Variants in ACKR2 observed in about 807,000 individuals in gnomAD.
ACKR2 encodes the protein atypical chemokine receptor 2.
For synonymous variants in ACKR2, 207 were observed against 192.2 expected (o/e 1.08, Z -0.64); for missense variants, 457 against 477.3 (o/e 0.96, Z 0.40).
chr3:42,833,509 G>A (rs1161880653), intron 2 of ACKR2, among the ~76,000 whole-genome samples: 1 of 152,040 alleles, frequency 6.6e-6, no homozygotes, highest in Non-Finnish European at 1.5e-5. Flanking sequence ...AATTATTAAT[G>A]AGATATTTTA....
chr3:42,845,718 G>T (rs548618972), intron 2 of ACKR2, among the ~76,000 whole-genome samples: 2 of 151,808 alleles, frequency 1.3e-5, no homozygotes, highest in African/African-American at 4.8e-5. Flanking sequence ...GCATGGTGGC[G>T]CATGCCTGTC....
intron 2 of ACKR2, among the ~76,000 whole-genome samples, chr3:42,839,612 T>A (rs1426061050): frequency 6.6e-6 from 1 of 152,170 alleles, no homozygotes; most frequent in Non-Finnish European, 1.5e-5. Context: ...AGCTAACTTG[T>A]AATGTTAGAA....
chr3:42,820,985 A>G (rs1020789045), intron 2 of ACKR2, among the ~76,000 whole-genome samples: 8 of 151,914 alleles, frequency 5.3e-5, no homozygotes, highest in Non-Finnish European at 8.8e-5. Context: ...CCCAGGTTCA[A>G]GTGATTCTCC....
At chr3:42,820,903 G>C (rs1487463986) in intron 2 of ACKR2, among the ~76,000 whole-genome samples, 1 of 143,962 alleles carries the variant, frequency 6.9e-6, no homozygotes, top group Non-Finnish European at 1.5e-5. Context: ...TTTTTTCTTT[G>C]AGATGGAGTC....
At position 42,814,024 on chromosome 3, in the gene ACKR2, G is replaced by C. The variant is rs373485273; in HGVS notation, c.-119+4492G>C. Among the ~76,000 whole-genome samples the C allele has an allele frequency of 3.3e-5, 5 of 152,254 alleles. No individual in the cohort carries two copies. In the South Asian group the frequency reaches 1.0e-3, roughly 32 times the overall value. On this transcript the variant is annotated intron_variant, in intron 1 of 2. Coordinates refer to ENST00000422265, the MANE Select transcript of ACKR2 (RefSeq NM_001296.5). ...ATGCCTAGTTATTTGAGGTTTTGTT[G>C]CCTGTTTGTGGGAGAAATTCTCTCC...
intron 2 of ACKR2, chr3:42,841,813 G>T (rs1378542653): frequency 2.0e-5 from 3 of 152,268 alleles, no homozygotes; most frequent in African/African-American, 7.2e-5. Context: ...CAATGGGCTG[G>T]GTAGTCCAGG....
chr3:42,864,852 G>T lies in ACKR2; in HGVS notation c.350G>T (p.Cys117Phe). 1 of 1,614,192 alleles carries T rather than the reference G, an allele frequency of 6.2e-7. No homozygotes were observed. The highest frequency in any genetic ancestry group is 8.5e-7 in the Non-Finnish European group (1 of 1,180,036). ...AWHWVFGSFL[C>F]KMVSTLYTIN... The stretch of plus-strand genomic sequence containing the variant: ...CATTGGGTCTTCGGGAGTTTCTTGT[G>T]CAAGATGGTGAGCACTCTTTATACT... The change falls in exon 3 of 3, where the codon TGC becomes TTC. Residue 117 changes from cysteine (C) to phenylalanine (F), a missense_variant. Physicochemically the swap from Cys to Phe is radical, Grantham distance 205. Transcript: ENST00000422265.
At chr3:42,859,602 C>G (rs534385528) in intron 2 of ACKR2, among the ~76,000 whole-genome samples, 1 of 151,970 alleles carries the variant, frequency 6.6e-6, no homozygotes, top group Non-Finnish European at 1.5e-5. Context: ...AGGATGGTCT[C>G]GATCTCCTGA....
chr3:42,862,198 AAAGCATTCCT>A (rs1241340932), intron 2 of ACKR2, among the ~76,000 whole-genome samples: 1 of 152,186 alleles, frequency 6.6e-6, no homozygotes, highest in East Asian at 1.9e-4. Context: ...GCAAAAATCA[AAAGCATTCCT>A]ATACAACAGT....
chr3:42,864,697 C>CCTT lies in ACKR2; in HGVS notation c.201_203dup (p.Leu68dup). The stretch of plus-strand genomic sequence containing the variant: ...TTGTGTTGGGCCTCAGCGGGAACCT[C>CCTT]CTTCTTCTCATGGTCTTGCTCCGTT... On this transcript the variant is annotated inframe_insertion, in exon 3 of 3. Transcript: ENST00000422265. 6.2e-7 allele frequency: 1 copy of CCTT among 1,614,176 alleles called. No individual in the cohort carries two copies. The highest frequency in any genetic ancestry group is 1.3e-5 in the African/African-American group (1 of 75,042).
At chr3:42,834,567 A>G (rs1360999516) in intron 2 of ACKR2, 1 of 151,648 alleles carries the variant, frequency 6.6e-6, no homozygotes, top group Non-Finnish European at 1.5e-5. Context: ...TTTTTTAATT[A>G]ATTAATTAAT....
Position 42,864,876 on chromosome 3 carries a change from C to A in ACKR2, c.374C>A (p.Thr125Asn). 6 of 1,614,188 alleles carry A rather than the reference C, an allele frequency of 3.7e-6. No individual in the cohort carries two copies. Among genetic ancestry groups the A allele is most frequent in the Non-Finnish European group, 5.1e-6 (6 of 1,180,038 alleles). Residue 125 changes from threonine (T) to asparagine (N), a missense_variant, in exon 3 of 3, where the codon ACT (threonine) becomes AAT (asparagine). Physicochemically the swap from Thr to Asn is moderately conservative, Grantham distance 65. Coordinates refer to ENST00000422265, the MANE Select transcript of ACKR2 (RefSeq NM_001296.5). ...TGCAAGATGGTGAGCACTCTTTATA[C>A]TATTAACTTTTACAGTGGCATCTTT... ...FLCKMVSTLY[T>N]INFYSGIFFI...
At chr3:42,856,264 G>A (rs759636740) in intron 2 of ACKR2, 3 of 649,054 alleles carry the variant, frequency 4.6e-6, no homozygotes, top group Non-Finnish European at 5.5e-6. Context: ...GGCAGGTCAT[G>A]TGTGGTTTCC....
Position 42,864,920 on chromosome 3 carries a change from C to T in ACKR2, c.418C>T (p.Leu140=). ...SGIFFISCMS[L]DKYLEIVHAQ... is the part of the protein sequence containing the mutation. ...CATCTTTTTCATTAGCTGCATGAGC[C>T]TGGACAAGTACCTGGAGATCGTTCA... The change falls in exon 3 of 3, where the codon CTG becomes TTG. Residue 140 remains leucine (L), a synonymous_variant. Coordinates refer to ENST00000422265, the MANE Select transcript of ACKR2 (RefSeq NM_001296.5). 1 of 1,614,156 alleles carries T rather than the reference C, an allele frequency of 6.2e-7. No homozygotes were observed. The highest frequency in any genetic ancestry group is 8.5e-7 in the Non-Finnish European group (1 of 1,180,034).
At chr3:42,857,932 C>T (rs1479545073) in intron 2 of ACKR2, among the ~76,000 whole-genome samples, 3 of 152,234 alleles carry the variant, frequency 2.0e-5, no homozygotes, top group East Asian at 1.9e-4. Context: ...CAGAGCCCAC[C>T]GTAGCTTGGC....
chr3:42,837,030 A>G (rs1480858019), intron 2 of ACKR2, among the ~76,000 whole-genome samples: 1 of 152,056 alleles, frequency 6.6e-6, no homozygotes, highest in Non-Finnish European at 1.5e-5. Context: ...AAGTTATCTG[A>G]TTGTGTTTAT....
At chr3:42,816,189 C>CGT (rs56332875) in intron 1 of ACKR2, among the ~76,000 whole-genome samples, 60,260 of 145,672 alleles carry the variant, frequency 0.41, 12,337 homozygotes, top group Middle Eastern at 0.57. Flanking sequence ...TTGATAGTTT[C>CGT]GTGTGTGTGT....
chr3:42,867,246 C>T lies in ACKR2; in HGVS notation c.*1589C>T, dbSNP rs2088442875. On this transcript the variant is annotated 3_prime_UTR_variant, in exon 3 of 3. Coordinates refer to ENST00000422265, the MANE Select transcript of ACKR2 (RefSeq NM_001296.5). ...GTTGACATCAGTTTTCTTCAGGTTA[C>T]TTTTTAATAATGATTAAAACGGGGA... The T allele has an allele frequency of 6.0e-6, 1 of 167,086 alleles. No homozygotes were observed. The highest frequency in any genetic ancestry group is 1.5e-5 in the Non-Finnish European group (1 of 68,128). The allele number at this position is 167,086 out of a possible 1,614,324, so 10.4% of individuals were successfully genotyped here.
intron 2 of ACKR2, among the ~76,000 whole-genome samples, chr3:42,830,286 T>G (rs1427944996): frequency 2.0e-5 from 3 of 152,218 alleles, no homozygotes; most frequent in Non-Finnish European, 4.4e-5. Context: ...TTATTTAATT[T>G]TTTTTTAAAA....
Sources: allele counts gnomAD v4.1 joint callset (sites outside exome capture counted in the v4.1 genomes callset), GRCh38; gene constraint gnomAD v4.1.1; transcripts MANE v1.5; gene names NCBI Gene and HGNC (gene_info 2026-07-23, HGNC 2026-07-21).